Variants in LIN7A observed in about 807,000 individuals in gnomAD.
LIN7A encodes protein lin-7 homolog A.
A neutral mutation model predicts 29.8 loss-of-function variants in LIN7A; 25 were observed. The observed-to-expected ratio is 0.84, with a 90% CI of 0.61 to 1.17. The LOEUF (loss-of-function observed/expected upper bound fraction) is 1.17. LIN7A is among the 50% of genes most tolerant of loss of function. The pLI, the probability that LIN7A is intolerant of heterozygous loss-of-function variation, is 0.00. For synonymous variants in LIN7A, 118 were observed against 107.5 expected (o/e 1.10, Z -0.60); for missense variants, 239 against 287.0 (o/e 0.83, Z 1.21).
chr12:80,885,189 C>T (rs1361989596), intron 2 of LIN7A, among the ~76,000 whole-genome samples: 5 of 152,064 alleles, frequency 3.3e-5, no homozygotes, highest in African/African-American at 1.2e-4. Context: ...CACTGCAATT[C>T]AGTTGTCTTC....
intron 1 of LIN7A, chr12:80,937,411 G>T (rs1170159552): frequency 2.6e-6 from 1 of 389,154 alleles, no homozygotes; most frequent in Non-Finnish European, 4.5e-6. Flanking sequence ...GAGCCAGAAG[G>T]AGGCGTCCCC....
rs145551993 is a variant in LIN7A at position 80,911,471 on chromosome 12, A to G, written c.83-22102T>C. Among the ~76,000 whole-genome samples, 603 of 152,144 alleles carry G rather than the reference A, an allele frequency of 4.0e-3. 4 individuals carry two copies. The highest frequency in any genetic ancestry group is 0.014 in the African/African-American group (576 of 41,500). ...ACTCTAAGCATAAGGGATTAATTTT[A>G]AAATTTATAAACAAGACATTTAATC... On this transcript the variant is annotated intron_variant, in intron 1 of 5. Transcript: ENST00000552864.
intron 4 of LIN7A, among the ~76,000 whole-genome samples, chr12:80,817,423 A>G (rs567166913): frequency 6.6e-6 from 1 of 152,322 alleles, no homozygotes; most frequent in South Asian, 2.1e-4. Flanking sequence ...TGGGAATTAC[A>G]TAGATATCAT....
At chr12:80,925,922 G>A (rs145201426) in intron 1 of LIN7A, among the ~76,000 whole-genome samples, 1 of 152,276 alleles carries the variant, frequency 6.6e-6, no homozygotes, top group African/African-American at 2.4e-5. Context: ...CTATCCATCT[G>A]TTCCATTCTC....
At chr12:80,868,525 G>T (rs141254104) in intron 2 of LIN7A, among the ~76,000 whole-genome samples, 8 of 152,098 alleles carry the variant, frequency 5.3e-5, no homozygotes, top group Non-Finnish European at 1.2e-4. Flanking sequence ...CCGAGATTGC[G>T]CCATTGCACT....
At chr12:80,847,225 A>G (rs1165100852) in intron 3 of LIN7A, among the ~76,000 whole-genome samples, 1 of 152,222 alleles carries the variant, frequency 6.6e-6, no homozygotes, top group South Asian at 2.1e-4. Flanking sequence ...CATGAATAAG[A>G]AATGAGAATG....
chr12:80,840,185 A>T (rs192690876), intron 4 of LIN7A, among the ~76,000 whole-genome samples: 1 of 152,364 alleles, frequency 6.6e-6, no homozygotes. Flanking sequence ...AGAGAAGTTG[A>T]AAAGTAATGT....
chr12:80,891,217 G>A (rs944405992), intron 1 of LIN7A, among the ~76,000 whole-genome samples: 2 of 152,040 alleles, frequency 1.3e-5, no homozygotes, highest in Non-Finnish European at 2.9e-5. Context: ...CTTTAAATTA[G>A]TCTTCTTTTT....
At chr12:80,851,744 C>T (rs1054658374) in intron 2 of LIN7A, among the ~76,000 whole-genome samples, 3 of 136,950 alleles carry the variant, frequency 2.2e-5, no homozygotes, top group Admixed American at 7.8e-5. Flanking sequence ...GAATGTATGA[C>T]AAACTTCAGC....
chr12:80,819,107 A>G (rs1871675398), intron 4 of LIN7A, among the ~76,000 whole-genome samples: 1 of 152,188 alleles, frequency 6.6e-6, no homozygotes, highest in South Asian at 2.1e-4. Flanking sequence ...TGAGAGAGAG[A>G]ATGAGACATC....
chr12:80,819,798 G>T (rs1871707936), intron 4 of LIN7A, among the ~76,000 whole-genome samples: 1 of 152,158 alleles, frequency 6.6e-6, no homozygotes, highest in Non-Finnish European at 1.5e-5. Context: ...CAGTGCCTAG[G>T]ATTTACAAAG....
At chr12:80,904,240 A>G (rs1212089032) in intron 1 of LIN7A, among the ~76,000 whole-genome samples, 3 of 152,184 alleles carry the variant, frequency 2.0e-5, no homozygotes, top group Non-Finnish European at 4.4e-5. Context: ...ACATGCACAT[A>G]CTATGGAATG....
rs763460890 is a variant in LIN7A at position 80,811,557 on chromosome 12, G to A, written c.610C>T (p.Arg204Ter). Reference protein sequence around the residue: ...EEMEARFEKLRTARRRQQQQL... With the variant: ...EEMEARFEKL The stretch of plus-strand genomic sequence containing the variant: ...TGCTGCTGCCGACGCCTGGCTGTTC[G>A]TAGCTTTTCAAAGCGAGCCTCCATT... Residue 204 changes from arginine (R) to a stop codon, truncating the protein, a stop_gained, in exon 5 of 6, where the codon CGA becomes TGA. Transcript: ENST00000552864. LOFTEE classifies it high-confidence loss of function. The A allele has an allele frequency of 2.5e-6, 4 of 1,613,952 alleles. No homozygotes were observed. The highest frequency in any genetic ancestry group is 1.1e-5 in the South Asian group (1 of 91,068).
intron 1 of LIN7A, among the ~76,000 whole-genome samples, chr12:80,893,036 T>C (rs1055013317): frequency 5.9e-5 from 9 of 152,210 alleles, no homozygotes; most frequent in Admixed American, 4.6e-4. Context: ...CCCCGGAATA[T>C]GCCTTTTAAG....
chr12:80,869,560 T>G (rs984588329), intron 2 of LIN7A, among the ~76,000 whole-genome samples: 104 of 152,254 alleles, frequency 6.8e-4, no homozygotes, highest in African/African-American at 2.5e-3. Flanking sequence ...GACTTCTTTT[T>G]ATCACACCTC....
At chr12:80,843,936 C>G (rs1409989033) in intron 4 of LIN7A, among the ~76,000 whole-genome samples, 1 of 151,580 alleles carries the variant, frequency 6.6e-6, no homozygotes, top group East Asian at 1.9e-4. Flanking sequence ...TGTTTAGCTC[C>G]CTTATAAGAA....
chr12:80,841,947 T>C (rs1475384118), intron 4 of LIN7A: 2 of 1,100,084 alleles, frequency 1.8e-6, no homozygotes, highest in East Asian at 8.1e-5. Context: ...AGGATTGATA[T>C]AAGAAGTAGC....
intron 4 of LIN7A, among the ~76,000 whole-genome samples, chr12:80,841,056 C>A (rs1872783021): frequency 6.6e-6 from 1 of 152,134 alleles, no homozygotes; most frequent in Non-Finnish European, 1.5e-5. Context: ...TGGATGATAG[C>A]TGAAGACAGT....
intron 2 of LIN7A, among the ~76,000 whole-genome samples, chr12:80,883,110 T>G (rs183365140): frequency 3.0e-4 from 45 of 152,146 alleles, no homozygotes; most frequent in African/African-American, 9.4e-4. Flanking sequence ...TTCTTTTTCC[T>G]TCTTCTGTTT....
Sources: gnomAD v4.1 joint callset for allele counts (sites outside exome capture counted in the v4.1 genomes callset) on GRCh38, gnomAD v4.1.1 for gene constraint, MANE v1.5 for transcripts, NCBI Gene and HGNC (gene_info 2026-07-23, HGNC 2026-07-21) for gene names.